SLC25A21: variants seen among roughly 807,000 people sequenced by gnomAD.
SLC25A21 encodes solute carrier family 25 member 21.
Under a neutral mutation model 43.8 loss-of-function variants are expected in SLC25A21, and 47 were observed. The ratio of observed to expected loss-of-function variants is 1.07; its 90% CI spans 0.85 to 1.37. The LOEUF is 1.37. Ranked by LOEUF, SLC25A21 falls within the 40% of genes most tolerant of loss-of-function variation. The probability of loss-of-function intolerance (pLI) is 0.00; values close to 1 mark genes in which losing one functional copy is unlikely to be tolerated. For missense variants in SLC25A21, 352 were observed against 350.2 expected (o/e 1.00, Z -0.04); for synonymous variants, 131 against 121.3 (o/e 1.08, Z -0.52).
intron 3 of SLC25A21, among the ~76,000 whole-genome samples, chr14:36,745,246 A>G (rs1414901824): frequency 6.6e-6 from 1 of 151,992 alleles, no homozygotes; most frequent in Non-Finnish European, 1.5e-5. Flanking sequence ...TCTATTATTG[A>G]CGGATATTTG....
chr14:36,875,117 G>A (rs1890482867), intron 1 of SLC25A21, 113 bp from the exon 2 acceptor site: 10 of 685,352 alleles, frequency 1.5e-5, no homozygotes, highest in South Asian at 2.3e-5. Flanking sequence ...TTGGGACTTC[G>A]GATATGACAG....
intron 6 of SLC25A21, among the ~76,000 whole-genome samples, chr14:36,714,296 T>A (rs1884024856): frequency 6.6e-6 from 1 of 152,224 alleles, no homozygotes; most frequent in Admixed American, 6.5e-5. Context: ...TGTCCTTTCC[T>A]TTTCCCAGAG....
At chr14:36,882,094 T>C (rs984252114) in intron 1 of SLC25A21, among the ~76,000 whole-genome samples, 1 of 152,108 alleles carries the variant, frequency 6.6e-6, no homozygotes, top group Non-Finnish European at 1.5e-5. Flanking sequence ...AAGAATAGCA[T>C]ATATCTGGCT....
intron 2 of SLC25A21, among the ~76,000 whole-genome samples, chr14:36,832,054 C>T (rs150858762): frequency 2.0e-5 from 3 of 152,044 alleles, no homozygotes; most frequent in Admixed American, 6.6e-5. Flanking sequence ...TAGAATCTTC[C>T]AAACATAAGG....
chr14:36,886,013 A>G (rs1451467683), intron 1 of SLC25A21, among the ~76,000 whole-genome samples: 1 of 152,186 alleles, frequency 6.6e-6, no homozygotes, highest in Non-Finnish European at 1.5e-5. Flanking sequence ...ATAAAAAAAT[A>G]CTTTTATATT....
chr14:36,969,017 T>C (rs2138683832), intron 1 of SLC25A21, among the ~76,000 whole-genome samples: 1 of 152,362 alleles, frequency 6.6e-6, no homozygotes, highest in Non-Finnish European at 1.5e-5. Context: ...AGGCTTTAAT[T>C]TTTTAATTAT....
chr14:36,933,430 C>T (rs1390875670), intron 1 of SLC25A21, among the ~76,000 whole-genome samples: 3 of 152,038 alleles, frequency 2.0e-5, no homozygotes, highest in Admixed American at 6.6e-5. Flanking sequence ...TGATGCATGC[C>T]GGCTTCAACA....
intron 1 of SLC25A21, among the ~76,000 whole-genome samples, chr14:36,875,535 G>A (rs1048521214): frequency 3.9e-5 from 6 of 152,144 alleles, no homozygotes; most frequent in African/African-American, 2.4e-5. Flanking sequence ...GCTTAATAGA[G>A]AATATTTCTT....
chr14:36,830,023 T>C (rs1318909842), intron 2 of SLC25A21, among the ~76,000 whole-genome samples: 1 of 151,992 alleles, frequency 6.6e-6, no homozygotes, highest in Admixed American at 6.6e-5. Context: ...ATATTTCTAG[T>C]AAAACACCAT....
At chr14:36,688,627 C>T (rs1882656409) in intron 7 of SLC25A21, among the ~76,000 whole-genome samples, 1 of 152,196 alleles carries the variant, frequency 6.6e-6, no homozygotes. Flanking sequence ...CCCTACATTT[C>T]CAGCCTTTCT....
intron 1 of SLC25A21, among the ~76,000 whole-genome samples, chr14:37,152,457 C>T (rs1314725557): frequency 4.0e-5 from 6 of 149,466 alleles, no homozygotes; most frequent in Admixed American, 1.3e-4. Flanking sequence ...TCTCAGCTCA[C>T]TGCAACCTCT....
At chr14:36,939,717 T>A (rs1053192002) in intron 1 of SLC25A21, among the ~76,000 whole-genome samples, 5 of 152,120 alleles carry the variant, frequency 3.3e-5, no homozygotes, top group African/African-American at 1.2e-4. Context: ...ATAAATGGCA[T>A]ACAAACCATT....
intron 3 of SLC25A21, among the ~76,000 whole-genome samples, chr14:36,785,533 T>C (rs745674756): frequency 6.6e-6 from 1 of 152,208 alleles, no homozygotes; most frequent in Non-Finnish European, 1.5e-5. Flanking sequence ...TTGAGCTTCT[T>C]ACCAGAAGGT....
intron 3 of SLC25A21, among the ~76,000 whole-genome samples, chr14:36,782,134 C>T (rs1039259783): frequency 9.2e-5 from 14 of 152,152 alleles, no homozygotes; most frequent in African/African-American, 3.4e-4. Flanking sequence ...TTTGACAAAT[C>T]TCTTTACTTT....
chr14:36,965,456 T>C (rs1283408258), intron 1 of SLC25A21, among the ~76,000 whole-genome samples: 1 of 152,168 alleles, frequency 6.6e-6, no homozygotes, highest in African/African-American at 2.4e-5. Flanking sequence ...TTAAATTTCT[T>C]CATGTTTAAC....
chr14:36,766,465 TGCCTTTGATG>T (rs1288695774), intron 3 of SLC25A21, among the ~76,000 whole-genome samples: 2 of 152,160 alleles, frequency 1.3e-5, no homozygotes, highest in Non-Finnish European at 2.9e-5. Context: ...CCTGCTCAAA[TGCCTTTGATG>T]GCTGCCCACT....
At chr14:36,762,306 T>C (rs992524378) in intron 3 of SLC25A21, among the ~76,000 whole-genome samples, 1 of 152,020 alleles carries the variant, frequency 6.6e-6, no homozygotes, top group Non-Finnish European at 1.5e-5. Context: ...CAAGGAAGAG[T>C]TTCCTGATTC....
At chr14:36,752,737 G>C (rs1042900444) in intron 3 of SLC25A21, among the ~76,000 whole-genome samples, 1 of 152,182 alleles carries the variant, frequency 6.6e-6, no homozygotes, top group African/African-American at 2.4e-5. Context: ...CTGGTGGGAA[G>C]TAACTGAATC....
At chr14:36,875,074 G>T in intron 1 of SLC25A21, 70 bp from the exon 2 acceptor site, 1 of 1,256,804 alleles carries the variant, frequency 8.0e-7, no homozygotes, top group Non-Finnish European at 1.1e-6. Context: ...TGATCCCGTC[G>T]ATTTCTCGAG....
Sources: allele counts gnomAD v4.1 joint callset (sites outside exome capture counted in the v4.1 genomes callset), GRCh38; gene constraint gnomAD v4.1.1; transcripts MANE v1.5; gene names NCBI Gene and HGNC (gene_info 2026-07-23, HGNC 2026-07-21).